Variants in CNTN5 observed in about 807,000 individuals in gnomAD.
CNTN5 encodes contactin 5.
A neutral mutation model predicts 129.1 loss-of-function variants in CNTN5; 77 were observed. The observed-to-expected ratio is 0.60, with a 90% confidence interval of 0.50 to 0.72. The LOEUF (loss-of-function observed/expected upper bound fraction) is 0.72, where lower values mean the gene tolerates loss of function less well. CNTN5 is among the 30% of genes least tolerant of loss of function. The probability of loss-of-function intolerance (pLI) is 0.00; values close to 1 mark genes in which losing one functional copy is unlikely to be tolerated. For synonymous variants in CNTN5, 509 were observed against 465.6 expected (o/e 1.09, Z -1.20); for missense variants, 1,478 against 1,328.8 (o/e 1.11, Z -1.75).
In CNTN5 at chr11:99,311,324, G is replaced by A. The variant is rs191663877; in HGVS notation, c.-209-14022G>A. 5.4e-4 allele frequency among the ~76,000 whole-genome samples: 82 copies of A among 152,148 alleles called. 1 individual carries two copies. The East Asian group carries it at 0.016, about 29-fold the overall frequency. On this transcript the variant is annotated intron_variant, in intron 1 of 24. Transcript: ENST00000524871. ...ATCTGATTTGATTTGCTAAATTTCT[G>A]TCAAATACTTTAATGTCCATATATA... is the stretch of plus-strand genomic sequence containing the variant.
intron 1 of CNTN5, among the ~76,000 whole-genome samples, chr11:99,311,925 C>T (rs754107291): frequency 4.6e-5 from 7 of 152,118 alleles, no homozygotes; most frequent in Non-Finnish European, 7.4e-5. Flanking sequence ...ACAGGTATAA[C>T]TTGCCAAATT....
At chr11:99,684,708 A>G (rs1953710177) in intron 3 of CNTN5, among the ~76,000 whole-genome samples, 1 of 151,882 alleles carries the variant, frequency 6.6e-6, no homozygotes. Context: ...TTTATTCTAG[A>G]AATTTGTCCA....
At chr11:100,147,302 T>G (rs1400418189) in intron 13 of CNTN5, among the ~76,000 whole-genome samples, 1 of 152,170 alleles carries the variant, frequency 6.6e-6, no homozygotes, top group Non-Finnish European at 1.5e-5. Context: ...CTCTTCCGTC[T>G]GGTCTTTTTA....
At chr11:99,369,246 G>C (rs932861123) in intron 2 of CNTN5, among the ~76,000 whole-genome samples, 19 of 91,180 alleles carry the variant, frequency 2.1e-4, no homozygotes, top group African/African-American at 6.5e-4. Flanking sequence ...CAAAGGAGCA[G>C]ATAAATAAAG....
At chr11:99,471,090 A>T (rs2135274428) in intron 2 of CNTN5, among the ~76,000 whole-genome samples, 2 of 152,248 alleles carry the variant, frequency 1.3e-5, no homozygotes, top group African/African-American at 4.8e-5. Flanking sequence ...CCCATTTCAC[A>T]AACTTTCCAG....
intron 1 of CNTN5, among the ~76,000 whole-genome samples, chr11:99,302,778 A>G (rs1864702177): frequency 6.6e-6 from 1 of 151,854 alleles, no homozygotes; most frequent in Admixed American, 6.6e-5. Flanking sequence ...GAAGATTTAG[A>G]AAACAACAAC....
chr11:100,186,937 A>G (rs530882839), intron 13 of CNTN5, among the ~76,000 whole-genome samples: 1 of 152,324 alleles, frequency 6.6e-6, no homozygotes, highest in Admixed American at 6.5e-5. Context: ...GAAGTTAAAA[A>G]AAATGAGCTC....
At chr11:99,976,315 G>T (rs767375601) in intron 8 of CNTN5, among the ~76,000 whole-genome samples, 16 of 152,188 alleles carry the variant, frequency 1.1e-4, no homozygotes, top group Non-Finnish European at 2.1e-4. Context: ...AACTGTTGGT[G>T]GATCTAGCAT....
intron 3 of CNTN5, among the ~76,000 whole-genome samples, chr11:99,714,071 A>G (rs1955117543): frequency 6.6e-6 from 1 of 151,886 alleles, no homozygotes; most frequent in Admixed American, 6.6e-5. Flanking sequence ...AGAGGTTAAG[A>G]ATGGTGCATT....
At chr11:99,791,701 T>C (rs1945748972) in intron 3 of CNTN5, among the ~76,000 whole-genome samples, 1 of 152,206 alleles carries the variant, frequency 6.6e-6, no homozygotes, top group African/African-American at 2.4e-5. Context: ...GTAGATTGCT[T>C]TGGGCAGTTT....
At chr11:99,820,265 A>C (rs1240847900) in intron 4 of CNTN5, among the ~76,000 whole-genome samples, 1 of 152,308 alleles carries the variant, frequency 6.6e-6, no homozygotes, top group African/African-American at 2.4e-5. Context: ...GAAAGTAAAA[A>C]TAGACATTTT....
intron 1 of CNTN5, among the ~76,000 whole-genome samples, chr11:99,037,458 A>C (rs1863793016): frequency 6.6e-6 from 1 of 152,070 alleles, no homozygotes. Flanking sequence ...ATATATTTTA[A>C]ATTGAGTCAC....
At chr11:99,725,875 G>A (rs752001225) in intron 3 of CNTN5, among the ~76,000 whole-genome samples, 37 of 152,076 alleles carry the variant, frequency 2.4e-4, no homozygotes, top group Middle Eastern at 3.2e-3. Flanking sequence ...TCTGTAATGT[G>A]GCCTTTTAAA....
Position 99,165,770 on chromosome 11 carries a change from A to G in CNTN5, c.-210+144500A>G, listed in dbSNP as rs534923211. Among the ~76,000 whole-genome samples the G allele has an allele frequency of 4.0e-4, 61 of 152,204 alleles. 1 individual carries two copies. Among genetic ancestry groups the G allele is most frequent in the South Asian group, 6.2e-4 (3 of 4,832 alleles). On this transcript the variant is annotated intron_variant, in intron 1 of 24. Coordinates refer to ENST00000524871, the MANE Select transcript of CNTN5 (RefSeq NM_014361.4). The stretch of plus-strand genomic sequence containing the variant: ...CAGGTCAAAATAAGAGATCGCATCT[A>G]GAAATGATAATCCTCCTCCAGTTGA...
At chr11:100,307,284 G>T (rs1011392384) in intron 20 of CNTN5, among the ~76,000 whole-genome samples, 6 of 151,424 alleles carry the variant, frequency 4.0e-5, no homozygotes, top group Non-Finnish European at 8.9e-5. Flanking sequence ...AGTGATAAAG[G>T]GTTAGTACCA....
At chr11:99,873,621 T>A (rs1393051556) in intron 6 of CNTN5, among the ~76,000 whole-genome samples, 3 of 152,128 alleles carry the variant, frequency 2.0e-5, no homozygotes, top group African/African-American at 7.2e-5. Flanking sequence ...GGTAGGAATG[T>A]AAATTCAATC....
At chr11:99,210,927 T>G (rs1591363626) in intron 1 of CNTN5, among the ~76,000 whole-genome samples, 1 of 152,272 alleles carries the variant, frequency 6.6e-6, no homozygotes, top group East Asian at 1.9e-4. Flanking sequence ...AGACACATAT[T>G]AAAAACCCAA....
At chr11:99,025,197 G>C (rs1008861066) in intron 1 of CNTN5, among the ~76,000 whole-genome samples, 1 of 151,796 alleles carries the variant, frequency 6.6e-6, no homozygotes. Flanking sequence ...TAGATAAAAA[G>C]CAAGAAGCCA....
At chr11:99,127,515 C>G (rs1858701116) in intron 1 of CNTN5, among the ~76,000 whole-genome samples, 1 of 152,198 alleles carries the variant, frequency 6.6e-6, no homozygotes, top group Non-Finnish European at 1.5e-5. Context: ...CCCACTGCCA[C>G]TAGGGTCAGT....
Sources: allele counts gnomAD v4.1 joint callset (sites outside exome capture counted in the v4.1 genomes callset), GRCh38; gene constraint gnomAD v4.1.1; transcripts MANE v1.5; gene names NCBI Gene and HGNC (gene_info 2026-07-23, HGNC 2026-07-21).